The following PIGBOS1 variants were observed in gnomAD, a reference collection of about 807,000 sequenced individuals.
PIGBOS1 encodes the protein PIGB opposite strand 1.
rs1006228552 is a variant in PIGBOS1, at chr15:55,317,541, C to A, written c.*87G>T. 2 of 362,368 alleles carry A rather than the reference C, an allele frequency of 5.5e-6. No homozygotes were observed. The highest frequency in any genetic ancestry group is 9.9e-6 in the Non-Finnish European group (2 of 202,938). 22.4% of individuals were successfully genotyped at this position (362,368 alleles called of 1,614,324 possible). On this transcript the variant is annotated 3_prime_UTR_variant, in exon 2 of 2. Coordinates refer to ENST00000436697, the MANE Select transcript of PIGBOS1 (RefSeq NM_001308421.2). ...TGTTGGTCAGGCTGGTCTTGAACTCCTGACCACCTGATCCACCCGCCTCGG... is the reference window on the plus strand; with the variant it reads ...TGTTGGTCAGGCTGGTCTTGAACTCATGACCACCTGATCCACCCGCCTCGG...
chr15:55,319,098 AG>A lies in PIGBOS1; in HGVS notation c.-311del. The A allele has an allele frequency of 1.1e-6, 1 of 873,820 alleles. No individual in the cohort carries two copies. Among genetic ancestry groups the A allele is most frequent in the Non-Finnish European group, 1.7e-6 (1 of 593,572 alleles). The allele number at this position is 873,820 out of a possible 1,614,324, so 54.1% of individuals were successfully genotyped here. The stretch of plus-strand genomic sequence containing the variant: ...GAAACGGCGAAAGGAAACCGCAAGG[AG>A]GCCACCACGTCGGGTGGGAGCTACG... On this transcript the variant is annotated 5_prime_UTR_variant, in exon 1 of 2. Coordinates refer to ENST00000436697, the MANE Select transcript of PIGBOS1 (RefSeq NM_001308421.2).
rs947962586 is a variant in PIGBOS1 at position 55,319,032 on chromosome 15, G to A, written c.-244C>T. 1.5e-5 allele frequency: 8 copies of A among 550,746 alleles called. No individual in the cohort carries two copies. The Admixed American group carries it at 1.7e-4, about 12-fold the overall frequency. The allele number at this position is 550,746 out of a possible 1,614,324, so 34.1% of individuals were successfully genotyped here. A position where few individuals can be genotyped will look rare whatever the true frequency, so the allele number is the denominator to read the frequency against. ...AGCAGTTTTCGGACCCCCGAGCACA[G>A]AGACCGCCAAGCCAAAGGCGAGTAG... On this transcript the variant is annotated 5_prime_UTR_variant, in exon 1 of 2. Coordinates refer to ENST00000436697, the MANE Select transcript of PIGBOS1 (RefSeq NM_001308421.2).
intron 1 of PIGBOS1, among the ~76,000 whole-genome samples, chr15:55,318,068 G>A (rs1401925957): frequency 6.6e-6 from 1 of 150,562 alleles, no homozygotes; most frequent in Non-Finnish European, 1.5e-5. Context: ...ATTACAGAAT[G>A]TTCTCAATGG....
In PIGBOS1 at chr15:55,317,520, G is replaced by A. The variant is rs1465434486; in HGVS notation, c.*108C>T. On this transcript the variant is annotated 3_prime_UTR_variant, in exon 2 of 2. Transcript: ENST00000436697. Reference sequence around the variant, plus strand: ...AGTAGAGACAGGGTTTCACCATGTTGGTCAGGCTGGTCTTGAACTCCTGAC... The same window carrying A: ...AGTAGAGACAGGGTTTCACCATGTTAGTCAGGCTGGTCTTGAACTCCTGAC... 1 of 347,380 alleles carries A rather than the reference G, an allele frequency of 2.9e-6. No homozygotes were observed. The highest frequency in any genetic ancestry group is 1.5e-4 in the South Asian group (1 of 6,600). The allele number at this position is 347,380 out of a possible 1,614,324, so 21.5% of individuals were successfully genotyped here. A position where few individuals can be genotyped will look rare whatever the true frequency, so the allele number is the denominator to read the frequency against.
chr15:55,317,702 G>A lies in PIGBOS1; in HGVS notation c.91C>T (p.Gln31Ter), dbSNP rs2055061126. Residue 31 changes from glutamine to a stop codon, truncating the protein, a stop_gained, in exon 2 of 2, where the codon CAG becomes TAG. Coordinates refer to ENST00000436697, the MANE Select transcript of PIGBOS1 (RefSeq NM_001308421.2). LOFTEE classifies it high-confidence loss of function. Reference protein sequence around the residue: ...GVYIFQPVFEQYAKDQKELKE... With the variant: ...GVYIFQPVFE ...AATTCCTTCTGATCTTTGGCATACTGTTCAAATACTGGTTGAAAAATATAT... is the reference window on the plus strand; with the variant it reads ...AATTCCTTCTGATCTTTGGCATACTATTCAAATACTGGTTGAAAAATATAT... The A allele has an allele frequency of 7.5e-6, 3 of 398,474 alleles. No individual in the cohort carries two copies. The highest frequency in any genetic ancestry group is 3.6e-5 in the East Asian group (1 of 28,092). The allele number at this position is 398,474 out of a possible 1,614,324, so 24.7% of individuals were successfully genotyped here.
chr15:55,317,621 T>C lies in PIGBOS1; in HGVS notation c.*7A>G, dbSNP rs574531291. 3 of 397,732 alleles carry C rather than the reference T, an allele frequency of 7.5e-6. No individual in the cohort carries two copies. In the South Asian group the frequency reaches 3.8e-4, roughly 51 times the overall value. 24.6% of individuals were successfully genotyped at this position (397,732 alleles called of 1,614,324 possible). On this transcript the variant is annotated 3_prime_UTR_variant, in exon 2 of 2. Coordinates refer to ENST00000436697, the MANE Select transcript of PIGBOS1 (RefSeq NM_001308421.2). ...AGCCACTGCGCCAGGCCTAACTCCA[T>C]GTAGTATTAACTTTTCTTCTCTTCT...
chr15:55,318,926 G>A lies in PIGBOS1; in HGVS notation c.-138C>T, dbSNP rs529339844. On this transcript the variant is annotated 5_prime_UTR_variant, in exon 1 of 2. Transcript: ENST00000436697. ...CGTTACCGTTTTTAATAACCACTCA[G>A]GTACCTCCGACTGTTCTGCGCCTGC... 9 of 278,178 alleles carry A rather than the reference G, an allele frequency of 3.2e-5. No individual in the cohort carries two copies. The South Asian group carries it at 5.5e-4, about 17-fold the overall frequency. The allele number at this position is 278,178 out of a possible 1,614,324, so 17.2% of individuals were successfully genotyped here. A position where few individuals can be genotyped will look rare whatever the true frequency, so the allele number is the denominator to read the frequency against.
chr15:55,317,559 C>T lies in PIGBOS1; in HGVS notation c.*69G>A, dbSNP rs566531118. 14 of 374,668 alleles carry T rather than the reference C, an allele frequency of 3.7e-5. No individual in the cohort carries two copies. The highest frequency in any genetic ancestry group is 1.4e-4 in the Admixed American group (3 of 21,918). The allele number at this position is 374,668 out of a possible 1,614,324, so 23.2% of individuals were successfully genotyped here. A position where few individuals can be genotyped will look rare whatever the true frequency, so the allele number is the denominator to read the frequency against. ...TGAACTCCTGACCACCTGATCCACCCGCCTCGGCCTCCCAAAGTGCTGGGA... is the reference window on the plus strand; with the variant it reads ...TGAACTCCTGACCACCTGATCCACCTGCCTCGGCCTCCCAAAGTGCTGGGA... On this transcript the variant is annotated 3_prime_UTR_variant, in exon 2 of 2. Coordinates refer to ENST00000436697, the MANE Select transcript of PIGBOS1 (RefSeq NM_001308421.2).
chr15:55,317,482 T>G lies in PIGBOS1; in HGVS notation c.*146A>C. On this transcript the variant is annotated 3_prime_UTR_variant, in exon 2 of 2. Transcript: ENST00000436697. ...GGCGCATGCCACCAAGCCTGGCTGATTTTTGTATTTTCAGTAGAGACAGGG... is the reference window on the plus strand; with the variant it reads ...GGCGCATGCCACCAAGCCTGGCTGAGTTTTGTATTTTCAGTAGAGACAGGG... 9.9e-6 allele frequency: 3 copies of G among 302,864 alleles called. No homozygotes were observed. Among genetic ancestry groups the G allele is most frequent in the Non-Finnish European group, 1.2e-5 (2 of 165,424 alleles). 18.8% of individuals were successfully genotyped at this position (302,864 alleles called of 1,614,324 possible).
rs1595759890 is a variant in PIGBOS1 at position 55,317,713 on chromosome 15, G to A, written c.80C>T (p.Pro27Leu). ...GIAGGVYIFQ[P>L]VFEQYAKDQK... ...ATCTTTGGCATACTGTTCAAATACTGGTTGAAAAATATATACTCCTCCAGC... is the reference window on the plus strand; with the variant it reads ...ATCTTTGGCATACTGTTCAAATACTAGTTGAAAAATATATACTCCTCCAGC... Residue 27 changes from proline (P) to leucine (L), a missense_variant, in exon 2 of 2, where the codon CCA becomes CTA. Coordinates refer to ENST00000436697, the MANE Select transcript of PIGBOS1 (RefSeq NM_001308421.2). 5.0e-6 allele frequency: 2 copies of A among 398,576 alleles called. No individual in the cohort carries two copies. The highest frequency in any genetic ancestry group is 8.8e-6 in the Non-Finnish European group (2 of 226,046). 24.7% of individuals were successfully genotyped at this position (398,576 alleles called of 1,614,324 possible).
rs1229969514 is a variant in PIGBOS1, at chr15:55,317,750, C to G, written c.43G>C (p.Val15Leu). The change falls in exon 2 of 2, where the codon GTC (valine) becomes CTC (leucine). Residue 15 changes from valine (V) to leucine (L), a missense_variant. By Grantham distance (32) the Val-to-Leu change is conservative. Transcript: ENST00000436697. ...LTFAQLLFAT[V>L]LGIAGGVYIF... ...TATACTCCTCCAGCAATTCCAAGGA[C>G]AGTGGCAAAAAGCAGTTGTGCAAAA... The G allele has an allele frequency of 2.0e-5, 8 of 398,470 alleles. No homozygotes were observed. The highest frequency in any genetic ancestry group is 3.5e-5 in the Non-Finnish European group (8 of 226,042). 24.7% of individuals were successfully genotyped at this position (398,470 alleles called of 1,614,324 possible). A position where few individuals can be genotyped will look rare whatever the true frequency, so the allele number is the denominator to read the frequency against.
chr15:55,318,532 G>A (rs2055083533), intron 1 of PIGBOS1, among the ~76,000 whole-genome samples: 1 of 150,754 alleles, frequency 6.6e-6, no homozygotes, highest in Non-Finnish European at 1.5e-5. Flanking sequence ...GTGAAACCCC[G>A]TCTCTACAAA....
chr15:55,318,098 CTTTT>C (rs200901102), intron 1 of PIGBOS1, among the ~76,000 whole-genome samples: 5 of 131,406 alleles, frequency 3.8e-5, no homozygotes, highest in African/African-American at 3.0e-5. Context: ...CATACTTTTT[CTTTT>C]TTTTTTTTTT....
At position 55,317,981 on chromosome 15, in the gene PIGBOS1, A is replaced by C. The variant is rs1295537206; in HGVS notation, c.-75-114T>G. ...ATATTTTTATAATATGTTACTAATT[A>C]AAACAAGAATATAAATACATAAGGA... is the stretch of plus-strand genomic sequence containing the variant. On this transcript the variant is annotated intron_variant, in intron 1 of 1. Transcript: ENST00000436697. 19 of 357,004 alleles carry C rather than the reference A, an allele frequency of 5.3e-5. No homozygotes were observed. In the East Asian group the frequency reaches 7.7e-4, roughly 14 times the overall value. The allele number at this position is 357,004 out of a possible 1,614,324, so 22.1% of individuals were successfully genotyped here.
chr15:55,319,084 A>T lies in PIGBOS1; in HGVS notation c.-296T>A, dbSNP rs529264954. On this transcript the variant is annotated 5_prime_UTR_variant, in exon 1 of 2. Coordinates refer to ENST00000436697, the MANE Select transcript of PIGBOS1 (RefSeq NM_001308421.2). ...AATCCCTCGGTTCGGAAACGGCGAAAGGAAACCGCAAGGAGGCCACCACGT... is the reference window on the plus strand; with the variant it reads ...AATCCCTCGGTTCGGAAACGGCGAATGGAAACCGCAAGGAGGCCACCACGT... The T allele has an allele frequency of 1.5e-4, 121 of 793,890 alleles. 2 individuals are homozygous for T. In the African/African-American group the frequency reaches 1.7e-3, roughly 11 times the overall value. The allele number at this position is 793,890 out of a possible 1,614,324, so 49.2% of individuals were successfully genotyped here.
chr15:55,319,020 C>T lies in PIGBOS1; in HGVS notation c.-232G>A. The T allele has an allele frequency of 4.0e-6, 2 of 506,140 alleles. No individual in the cohort carries two copies. Among genetic ancestry groups the T allele is most frequent in the South Asian group, 5.7e-5 (2 of 34,898 alleles). The allele number at this position is 506,140 out of a possible 1,614,324, so 31.4% of individuals were successfully genotyped here. ...CGGGGGCCTTCCAGCAGTTTTCGGA[C>T]CCCCGAGCACAGAGACCGCCAAGCC... On this transcript the variant is annotated 5_prime_UTR_variant, in exon 1 of 2. Transcript: ENST00000436697.
rs2055059759 is a variant in PIGBOS1 at position 55,317,627 on chromosome 15, A to T, written c.*1T>A. 5.0e-6 allele frequency: 2 copies of T among 398,080 alleles called. No homozygotes were observed. The highest frequency in any genetic ancestry group is 8.9e-6 in the Non-Finnish European group (2 of 225,758). The allele number at this position is 398,080 out of a possible 1,614,324, so 24.7% of individuals were successfully genotyped here. On this transcript the variant is annotated 3_prime_UTR_variant, in exon 2 of 2. Coordinates refer to ENST00000436697, the MANE Select transcript of PIGBOS1 (RefSeq NM_001308421.2). ...TGCGCCAGGCCTAACTCCATGTAGT[A>T]TTAACTTTTCTTCTCTTCTGATTCT...
At position 55,319,035 on chromosome 15, in the gene PIGBOS1, AC is replaced by A. The variant is rs1354775894; in HGVS notation, c.-248del. ...AGTTTTCGGACCCCCGAGCACAGAG[AC>A]CGCCAAGCCAAAGGCGAGTAGCAAT... On this transcript the variant is annotated 5_prime_UTR_variant, in exon 1 of 2. Coordinates refer to ENST00000436697, the MANE Select transcript of PIGBOS1 (RefSeq NM_001308421.2). 4 of 549,278 alleles carry A rather than the reference AC, an allele frequency of 7.3e-6. No individual in the cohort carries two copies. The highest frequency in any genetic ancestry group is 1.2e-5 in the Non-Finnish European group (4 of 320,706). 34.0% of individuals were successfully genotyped at this position (549,278 alleles called of 1,614,324 possible). A position where few individuals can be genotyped will look rare whatever the true frequency, so the allele number is the denominator to read the frequency against.
chr15:55,318,345 T>C (rs997290511), intron 1 of PIGBOS1, among the ~76,000 whole-genome samples: 1 of 150,358 alleles, frequency 6.7e-6, no homozygotes, highest in Admixed American at 6.6e-5. Flanking sequence ...GATCCGCCCG[T>C]CTTGGCCTCC....
Sources: gnomAD v4.1 joint callset for allele counts (sites outside exome capture counted in the v4.1 genomes callset) on GRCh38, gnomAD v4.1.1 for gene constraint, MANE v1.5 for transcripts, NCBI Gene and HGNC (gene_info 2026-07-23, HGNC 2026-07-21) for gene names.